PRICKLE1: variants seen among roughly 807,000 people sequenced by gnomAD.
The protein encoded by PRICKLE1 is prickle planar cell polarity protein 1.
PRICKLE1 carries 14 observed loss-of-function variants against 70.2 expected under a neutral mutation model. That is an observed-to-expected ratio of 0.20 (90% CI 0.13 to 0.31). The LOEUF is 0.31. PRICKLE1 is among the 10% of genes least tolerant of loss of function. The probability of loss-of-function intolerance (pLI) is 1.00; values close to 1 mark genes in which losing one functional copy is unlikely to be tolerated. For synonymous variants in PRICKLE1, 357 were observed against 379.9 expected (o/e 0.94, Z 0.70); for missense variants, 821 against 1,026.2 (o/e 0.80, Z 2.73).
chr12:42,531,240 G>A (rs1043082753), intron 1 of PRICKLE1, among the ~76,000 whole-genome samples: 1 of 150,738 alleles, frequency 6.6e-6, no homozygotes, highest in Non-Finnish European at 1.5e-5. Flanking sequence ...TAGAGTCGGG[G>A]TTTCACCGTG....
At position 42,468,799 on chromosome 12, in the gene PRICKLE1, C is replaced by T. The variant is rs1938205447; in HGVS notation, c.415G>A (p.Ala139Thr). ...GGGCCCGCACGGGAGGCGAACACTG[C>T]AACTTCACCTCCATTTATCTTCAAA... is the stretch of plus-strand genomic sequence containing the variant. ...CGLKINGGEVAVFASRAGPGV... is the reference protein window; with the variant it reads ...CGLKINGGEVTVFASRAGPGV... Residue 139 changes from alanine to threonine, a missense_variant, in exon 5 of 8, where the codon GCA becomes ACA. Transcript: ENST00000345127. The T allele has an allele frequency of 6.2e-7, 1 of 1,614,110 alleles. No individual in the cohort carries two copies. The highest frequency in any genetic ancestry group is 8.5e-7 in the Non-Finnish European group (1 of 1,180,010).
At chr12:42,469,738 A>G in intron 3 of PRICKLE1, 151 bp from the exon 4 acceptor site, 1 of 890,406 alleles carries the variant, frequency 1.1e-6, no homozygotes, top group South Asian at 1.5e-5. Context: ...ACCATATCTG[A>G]ATTTTACAGC....
Position 42,460,122 on chromosome 12 carries a change from G to T in PRICKLE1, c.2183C>A (p.Ala728Asp). 6.2e-7 allele frequency: 1 copy of T among 1,614,114 alleles called. No individual in the cohort carries two copies. Among genetic ancestry groups the T allele is most frequent in the South Asian group, 1.1e-5 (1 of 91,068 alleles). The change falls in exon 8 of 8, where the codon GCT becomes GAT. Residue 728 changes from alanine (A) to aspartate (D), a missense_variant. Ala to Asp is a moderately radical substitution (Grantham distance 126, BLOSUM62 -2). Transcript: ENST00000345127. The part of the protein sequence containing the change: ...AREIQAYIQN[A>D]DLYGQYAHAT... ...ATGGGCGTACTGTCCGTAGAGATCA[G>T]CATTCTGGATGTATGCTTGGATCTC...
chr12:42,496,831 G>C (rs1194670350), intron 1 of PRICKLE1, among the ~76,000 whole-genome samples: 1 of 152,150 alleles, frequency 6.6e-6, no homozygotes, highest in African/African-American at 2.4e-5. Flanking sequence ...CTCTGGATTA[G>C]GCTTTGGCTT....
intron 1 of PRICKLE1, among the ~76,000 whole-genome samples, chr12:42,474,278 A>G (rs112963140): frequency 0.06 from 9,159 of 152,278 alleles, 292 homozygotes; most frequent in Non-Finnish European, 0.073. Context: ...TCTCGAAAAA[A>G]ATAAAATAAA....
At chr12:42,544,275 T>C (rs1345048086) in intron 1 of PRICKLE1, among the ~76,000 whole-genome samples, 4 of 152,258 alleles carry the variant, frequency 2.6e-5, no homozygotes, top group Non-Finnish European at 5.9e-5. Context: ...ATTAGGAAGG[T>C]ATGTATTTTT....
At position 42,522,779 on chromosome 12, in the gene PRICKLE1, T is replaced by C. The variant is rs189664889; in HGVS notation, c.-48-50215A>G. On this transcript the variant is annotated intron_variant, in intron 1 of 7. Coordinates refer to ENST00000345127, the MANE Select transcript of PRICKLE1 (RefSeq NM_153026.3). Reference sequence around the variant, plus strand: ...ATAGAATCTTTTTTAAAGCGGAAAATTGGCAGTTATTTTTAAAGTGGATAT... The same window carrying C: ...ATAGAATCTTTTTTAAAGCGGAAAACTGGCAGTTATTTTTAAAGTGGATAT... Among the ~76,000 whole-genome samples the C allele has an allele frequency of 8.2e-3, 1,250 of 152,220 alleles. 9 individuals carry two copies. The highest frequency in any genetic ancestry group is 0.011 in the Non-Finnish European group (775 of 68,014).
At chr12:42,544,224 G>A (rs1221646572) in intron 1 of PRICKLE1, among the ~76,000 whole-genome samples, 2 of 152,118 alleles carry the variant, frequency 1.3e-5, no homozygotes, top group African/African-American at 4.8e-5. Flanking sequence ...ACAAATTTAC[G>A]AGTGATCACT....
chr12:42,491,765 T>C (rs554134691), intron 1 of PRICKLE1, among the ~76,000 whole-genome samples: 58 of 150,620 alleles, frequency 3.9e-4, no homozygotes, highest in African/African-American at 1.1e-3. Context: ...TTTGAAATAA[T>C]AGACACTGCT....
intron 1 of PRICKLE1, among the ~76,000 whole-genome samples, chr12:42,488,088 G>C (rs1305486395): frequency 1.3e-5 from 2 of 152,040 alleles, no homozygotes; most frequent in Non-Finnish European, 2.9e-5. Context: ...TATAGAAACA[G>C]AAGTGTCACT....
At chr12:42,555,385 G>T (rs1940397505) in intron 1 of PRICKLE1, among the ~76,000 whole-genome samples, 2 of 151,982 alleles carry the variant, frequency 1.3e-5, no homozygotes, top group Admixed American at 6.6e-5. Context: ...ACTATTTTGG[G>T]GTTAAATAGT....
rs1028916651 is a variant in PRICKLE1, at chr12:42,523,222, C to T, written c.-48-50658G>A. ...GACCTCATGATCCGCCCGCCTTGGCCTCCCAAAGTGCTGGGATTACAGGCG... is the reference window on the plus strand; with the variant it reads ...GACCTCATGATCCGCCCGCCTTGGCTTCCCAAAGTGCTGGGATTACAGGCG... On this transcript the variant is annotated intron_variant, in intron 1 of 7. Transcript: ENST00000345127. 2.6e-5 allele frequency among the ~76,000 whole-genome samples: 4 copies of T among 152,350 alleles called. No individual in the cohort carries two copies. The South Asian group carries it at 8.3e-4, about 32-fold the overall frequency.
chr12:42,563,836 C>G lies in PRICKLE1; in HGVS notation c.-49+25629G>C, dbSNP rs910779443. Among the ~76,000 whole-genome samples the G allele has an allele frequency of 4.0e-5, 6 of 150,124 alleles. 1 individual carries two copies. In the South Asian group the frequency reaches 1.3e-3, roughly 32 times the overall value. On this transcript the variant is annotated intron_variant, in intron 1 of 7. Coordinates refer to ENST00000345127, the MANE Select transcript of PRICKLE1 (RefSeq NM_153026.3). ...AGAGTATACGATTTGTCATGCAAAA[C>G]AGGACATTTTTCGAGTACAATGGGT...
intron 1 of PRICKLE1, among the ~76,000 whole-genome samples, chr12:42,581,453 T>C (rs2120797996): frequency 6.6e-6 from 1 of 152,038 alleles, no homozygotes. Flanking sequence ...CATTAAAGGT[T>C]ATGGAACTAA....
At chr12:42,520,813 A>G (rs754372481) in intron 1 of PRICKLE1, among the ~76,000 whole-genome samples, 2 of 152,262 alleles carry the variant, frequency 1.3e-5, no homozygotes, top group African/African-American at 2.4e-5. Context: ...TGTCCATTTT[A>G]ATCAGATATG....
At chr12:42,588,667 C>T (rs1161708735) in intron 1 of PRICKLE1, among the ~76,000 whole-genome samples, 1 of 152,132 alleles carries the variant, frequency 6.6e-6, no homozygotes, top group Non-Finnish European at 1.5e-5. Context: ...AAGCGTGATG[C>T]AGCCGTCCTC....
chr12:42,563,286 C>T (rs1940551303), intron 1 of PRICKLE1, among the ~76,000 whole-genome samples: 1 of 151,964 alleles, frequency 6.6e-6, no homozygotes, highest in South Asian at 2.1e-4. Context: ...AAAATTCCAG[C>T]AGGACGAGAA....
intron 1 of PRICKLE1, among the ~76,000 whole-genome samples, chr12:42,575,262 A>G (rs955427093): frequency 1.1e-4 from 16 of 152,186 alleles, no homozygotes; most frequent in Non-Finnish European, 1.8e-4. Context: ...TGTTACTTAG[A>G]ACCTTAAGGC....
At chr12:42,578,874 G>A (rs7311677) in intron 1 of PRICKLE1, among the ~76,000 whole-genome samples, 51,507 of 151,804 alleles carry the variant, frequency 0.34, 9,126 homozygotes, top group South Asian at 0.46. Flanking sequence ...TGATTCTCCT[G>A]CCTCAGCCTT....
Sources: gnomAD v4.1 joint callset for allele counts (sites outside exome capture counted in the v4.1 genomes callset) on GRCh38, gnomAD v4.1.1 for gene constraint, MANE v1.5 for transcripts, NCBI Gene and HGNC (gene_info 2026-07-23, HGNC 2026-07-21) for gene names.